Variants in BEND2 observed in about 807,000 individuals in gnomAD.
BEND2 encodes BEN domain containing 2, also known as BEN domain-containing protein 2.
A neutral mutation model predicts 43.8 loss-of-function variants in BEND2; 19 were observed. The observed-to-expected ratio is 0.43, with a 90% CI of 0.30 to 0.64. BEND2 has a LOEUF of 0.64. Among genes scored for constraint, BEND2 ranks in the 30% least tolerant of loss-of-function variants. BEND2 has a pLI of 0.11. For missense variants in BEND2, 544 were observed against 574.0 expected, an observed-to-expected ratio of 0.95 and a Z score of 0.53; for synonymous variants, 226 against 210.1, an observed-to-expected ratio of 1.08 and a Z score of -0.66.
At chrX:18,197,023 C>A (rs898724418) in intron 6 of BEND2, among the ~76,000 whole-genome samples, 3 of 112,279 alleles carry the variant, frequency 2.7e-5, no homozygotes, top group African/African-American at 9.7e-5. Context: ...ATGTCAATAT[C>A]CTGGTTGTGT....
chrX:18,170,802 C>T lies in BEND2; in HGVS notation c.2185+199G>A, dbSNP rs941417653. On this transcript the variant is annotated intron_variant, in intron 13 of 13. Transcript: ENST00000380033. The stretch of plus-strand genomic sequence containing the variant: ...TCTAGTAAAGCCATTCAAGACAGAG[C>T]AATTAGCCCTAAGAACCCAAATGCA... 7.4e-6 allele frequency: 3 copies of T among 404,308 alleles called. No homozygotes were observed. The African/African-American group carries it at 8.3e-5, about 11-fold the overall frequency. The allele number at this position is 404,308 out of a possible 1,213,427, so 33.3% of individuals were successfully genotyped here.
At chrX:18,179,179 GTTTTTTTT>G (rs1164362773) in intron 9 of BEND2, among the ~76,000 whole-genome samples, 3 of 58,407 alleles carry the variant, frequency 5.1e-5, no homozygotes, top group Admixed American at 2.2e-4. Context: ...TTTTGTTTCT[GTTTTTTTT>G]TTTTTTTTTT....
At chrX:18,170,970 T>A in intron 13 of BEND2, 31 bp downstream of exon 13, 1 of 1,208,721 alleles carries the variant, frequency 8.3e-7, no homozygotes, top group Non-Finnish European at 1.1e-6. Context: ...TTGGCTTTTA[T>A]TTATTCAGAC....
chrX:18,207,912 G>C (rs1469978469), intron 4 of BEND2, among the ~76,000 whole-genome samples: 1 of 110,964 alleles, frequency 9.0e-6, no homozygotes, highest in Admixed American at 9.6e-5. Context: ...CCAGCTACTC[G>C]GGAGGCTGAG....
rs762874856 is a variant in BEND2 at position 18,177,633 on chromosome X, G to A, written c.1566C>T (p.Ser522=). 1.7e-6 allele frequency: 2 copies of A among 1,211,308 alleles called. No homozygotes were observed. The highest frequency in any genetic ancestry group is 4.3e-5 in the Admixed American group (2 of 46,018). The change falls in exon 10 of 14, where the codon AGC becomes AGT. Residue 522 remains serine, a synonymous_variant. Transcript: ENST00000380033. ...ILFSKEILIS[S]SVDIHLKDSQ... The stretch of plus-strand genomic sequence containing the variant: ...TGTCTTTCAAATGGATATCCACTGA[G>A]CTGCTAATCAGGATTTCCTTGGAGA...
intron 7 of BEND2, among the ~76,000 whole-genome samples, chrX:18,194,044 C>A (rs150298650): frequency 0.011 from 1,205 of 111,333 alleles, 6 homozygotes; most frequent in Non-Finnish European, 0.018. Flanking sequence ...AAAAAAATGG[C>A]TATACGAAAA....
chrX:18,191,008 G>A lies in BEND2; in HGVS notation c.1281C>T (p.Pro427=), dbSNP rs775202556. The change falls in exon 8 of 14, where the codon CCC becomes CCT. Residue 427 remains proline, a synonymous_variant. Coordinates refer to ENST00000380033, the MANE Select transcript of BEND2 (RefSeq NM_153346.5). ...DDASASACLT[P]DFALLPLNIL... is the part of the protein sequence containing the mutation. ...ATATCATTTCAAACTCACCAAAATC[G>A]GGAGTGAGGCAGGCAGATGCTGAAG... 12 of 1,203,856 alleles carry A rather than the reference G, an allele frequency of 1.0e-5. No individual in the cohort carries two copies. The Admixed American group carries it at 1.6e-4, about 16-fold the overall frequency.
At chrX:18,192,711 G>C (rs916877980) in intron 7 of BEND2, among the ~76,000 whole-genome samples, 1 of 112,304 alleles carries the variant, frequency 8.9e-6, no homozygotes, top group African/African-American at 3.2e-5. Flanking sequence ...TCTTCCAATG[G>C]GTGAATGAAT....
At chrX:18,176,125 A>G in intron 10 of BEND2, 32 bp from the exon 11 acceptor site, 4 of 1,163,864 alleles carry the variant, frequency 3.4e-6, no homozygotes, top group Non-Finnish European at 4.6e-6. Flanking sequence ...CACGAAAATT[A>G]GAAAAAAAAA....
At chrX:18,193,590 A>G (rs984900506) in intron 7 of BEND2, among the ~76,000 whole-genome samples, 1 of 111,709 alleles carries the variant, frequency 9.0e-6, no homozygotes, top group Admixed American at 9.6e-5. Context: ...AAGAATAGGT[A>G]AAGTGGAAGG....
At position 18,203,527 on chromosome X, in the gene BEND2, G is replaced by A; in HGVS notation, c.881C>T (p.Ser294Leu). Residue 294 changes from serine (S) to leucine (L), a missense_variant, in exon 5 of 14, where the codon TCA (serine) becomes TTA (leucine). Ser to Leu is a moderately radical substitution (Grantham distance 145). Transcript: ENST00000380033. ...CAAATTGGGATGGAAGCAGAAAGAT[G>A]ACAAGGCTCTACCTGGGCCCACATT... ...NENVGPGRAL[S>L]SFCFHPNLEM... The A allele has an allele frequency of 8.3e-7, 1 of 1,208,171 alleles. No homozygotes were observed. The highest frequency in any genetic ancestry group is 1.1e-6 in the Non-Finnish European group (1 of 892,548).
intron 1 of BEND2, among the ~76,000 whole-genome samples, chrX:18,218,802 G>A (rs770945214): frequency 1.8e-5 from 2 of 112,213 alleles, no homozygotes; most frequent in East Asian, 5.6e-4. Context: ...GGAGGTTGCA[G>A]TGAGCCGAGA....
At chrX:18,185,865 A>G (rs1602036311) in intron 8 of BEND2, among the ~76,000 whole-genome samples, 1 of 110,958 alleles carries the variant, frequency 9.0e-6, no homozygotes. Flanking sequence ...AGAATAGTAT[A>G]TCTGGTGAAA....
At chrX:18,208,012 T>C (rs1925393022) in intron 4 of BEND2, among the ~76,000 whole-genome samples, 1 of 99,575 alleles carries the variant, frequency 1.0e-5, no homozygotes. Context: ...AGAGCGAAAT[T>C]CTGTCTCAGA....
chrX:18,168,261 T>C (rs756424103), intron 13 of BEND2, among the ~76,000 whole-genome samples: 1 of 112,246 alleles, frequency 8.9e-6, no homozygotes, highest in Non-Finnish European at 1.9e-5. Flanking sequence ...TATGATCTCC[T>C]AATGCTCCAG....
intron 1 of BEND2, among the ~76,000 whole-genome samples, chrX:18,219,684 T>C (rs1038978016): frequency 8.9e-6 from 1 of 111,819 alleles, no homozygotes; most frequent in South Asian, 3.8e-4. Flanking sequence ...GGCGGGAGCA[T>C]TGCCTGAGCC....
chrX:18,190,855 G>A, intron 8 of BEND2, 146 bp downstream of exon 8: 2 of 444,775 alleles, frequency 4.5e-6, no homozygotes, highest in Non-Finnish European at 7.5e-6. Flanking sequence ...TTGCATCAAT[G>A]TCAAAATCCT....
intron 9 of BEND2, among the ~76,000 whole-genome samples, chrX:18,178,586 T>G (rs1319030129): frequency 8.9e-6 from 1 of 111,929 alleles, no homozygotes; most frequent in Non-Finnish European, 1.9e-5. Context: ...ACATTATATT[T>G]TGAGCATTTC....
intron 8 of BEND2, 129 bp downstream of exon 8, chrX:18,190,872 G>C (rs1199869982): frequency 6.1e-6 from 3 of 493,901 alleles, no homozygotes; most frequent in Non-Finnish European, 9.9e-6. Context: ...TCCTAGTTGT[G>C]ATATTTTACT....
Sources: allele counts gnomAD v4.1 joint callset (sites outside exome capture counted in the v4.1 genomes callset), GRCh38; gene constraint gnomAD v4.1.1; transcripts MANE v1.5; gene names NCBI Gene and HGNC (gene_info 2026-07-23, HGNC 2026-07-21).